WDPCP: variants seen among roughly 807,000 people sequenced by gnomAD.
WDPCP encodes the protein WD repeat-containing and planar cell polarity effector protein fritz homolog.
Under a neutral mutation model 93.1 loss-of-function variants are expected in WDPCP, and 71 were observed. The ratio of observed to expected loss-of-function variants is 0.76; its 90% CI spans 0.63 to 0.93. WDPCP has a LOEUF of 0.93. Ranked by LOEUF, WDPCP falls within the 40% of genes least tolerant of loss-of-function variation. The probability of loss-of-function intolerance (pLI) is 0.00; values close to 1 mark genes in which losing one functional copy is unlikely to be tolerated. For synonymous variants in WDPCP, 315 were observed against 315.0 expected (o/e 1.00, Z 0.00); for missense variants, 844 against 887.4 (o/e 0.95, Z 0.62).
At chr2:63,294,188 A>G (rs1684663542) in intron 13 of WDPCP, among the ~76,000 whole-genome samples, 1 of 152,216 alleles carries the variant, frequency 6.6e-6, no homozygotes, top group East Asian at 1.9e-4. Context: ...CTTTGGAGGT[A>G]AGAAAGCACT....
intron 3 of WDPCP, chr2:63,606,720 TATTA>T (rs1434443234): frequency 2.3e-6 from 1 of 438,056 alleles, no homozygotes; most frequent in East Asian, 4.1e-5. Flanking sequence ...TAGAATTATC[TATTA>T]ATTAAAATCT....
At chr2:63,284,066 G>A (rs550618574) in intron 13 of WDPCP, among the ~76,000 whole-genome samples, 4 of 152,112 alleles carry the variant, frequency 2.6e-5, no homozygotes, top group Non-Finnish European at 5.9e-5. Flanking sequence ...TAAATACATG[G>A]GTACATATAA....
the WDPCP span, among the ~76,000 whole-genome samples, chr2:63,834,301 T>A: frequency 6.6e-6 from 1 of 152,248 alleles, no homozygotes; most frequent in African/African-American, 2.4e-5. Flanking sequence ...GCTGTACAGA[T>A]CCATGCAAAG....
intron 1 of WDPCP, among the ~76,000 whole-genome samples, chr2:63,505,552 T>C (rs1429555956): frequency 6.6e-6 from 1 of 152,070 alleles, no homozygotes; most frequent in East Asian, 1.9e-4. Context: ...TACAGATTAA[T>C]AAAAAATGTT....
In WDPCP at chr2:63,426,707, A is replaced by G. The variant is rs1280227581; in HGVS notation, c.825+7038T>C. Among the ~76,000 whole-genome samples, 8 of 152,338 alleles carry G rather than the reference A, an allele frequency of 5.3e-5. No homozygotes were observed. The South Asian group carries it at 1.5e-3, about 28-fold the overall frequency. On this transcript the variant is annotated intron_variant, in intron 9 of 17. Coordinates refer to ENST00000272321, the MANE Select transcript of WDPCP (RefSeq NM_015910.7). ...CACAATGACAGCATCAAAATCTCAC[A>G]TATCAGTATTAACTTTGAATGTAAA...
intron 2 of WDPCP, among the ~76,000 whole-genome samples, chr2:63,680,613 G>T (rs907140706): frequency 6.6e-6 from 1 of 152,136 alleles, no homozygotes; most frequent in African/African-American, 2.4e-5. Flanking sequence ...AACATGAAAG[G>T]CTATCTAGGC....
intron 3 of WDPCP, chr2:63,607,009 T>C (rs752475056): frequency 6.2e-7 from 1 of 1,601,600 alleles, no homozygotes; most frequent in Non-Finnish European, 8.5e-7. Context: ...TGTTACTAAA[T>C]GCTTCAAAGC....
intron 2 of WDPCP, among the ~76,000 whole-genome samples, chr2:63,796,286 G>A (rs367946762): frequency 4.6e-5 from 7 of 152,296 alleles, no homozygotes; most frequent in East Asian, 3.9e-4. Flanking sequence ...AAGCAGTCTC[G>A]GAGCAGGAGG....
intron 13 of WDPCP, among the ~76,000 whole-genome samples, chr2:63,296,001 C>T (rs1684824544): frequency 1.3e-5 from 2 of 151,128 alleles, no homozygotes; most frequent in Non-Finnish European, 2.9e-5. Context: ...CCTAATAATA[C>T]AGGCCAGTAT....
chr2:63,546,788 T>C (rs1705182249), intron 1 of WDPCP, among the ~76,000 whole-genome samples: 1 of 152,056 alleles, frequency 6.6e-6, no homozygotes, highest in Non-Finnish European at 1.5e-5. Context: ...GTAAAGGTAT[T>C]AGAAAGCAGA....
chr2:63,153,860 A>G (rs1042672081), intron 15 of WDPCP, among the ~76,000 whole-genome samples: 1 of 152,050 alleles, frequency 6.6e-6, no homozygotes, highest in African/African-American at 2.4e-5. Flanking sequence ...TGTATTTTAC[A>G]TATGAAGTTT....
intron 11 of WDPCP, among the ~76,000 whole-genome samples, chr2:63,380,362 C>G (rs1016385619): frequency 2.0e-5 from 3 of 151,936 alleles, no homozygotes; most frequent in African/African-American, 7.3e-5. Context: ...TGGAGTTATA[C>G]TCTTCTTTTT....
At chr2:63,485,229 T>C (rs1399758873) in intron 4 of WDPCP, among the ~76,000 whole-genome samples, 1 of 151,828 alleles carries the variant, frequency 6.6e-6, no homozygotes, top group Non-Finnish European at 1.5e-5. Context: ...GGAGAATCCC[T>C]GGGAAAGTTT....
intron 2 of WDPCP, chr2:63,752,381 G>A (rs866430234): frequency 1.7e-5 from 13 of 765,474 alleles, no homozygotes; most frequent in African/African-American, 1.0e-4. Context: ...AGCCCTCTTT[G>A]GTTCCACAGC....
chr2:63,313,684 G>C (rs999971592), intron 12 of WDPCP, among the ~76,000 whole-genome samples: 4 of 151,862 alleles, frequency 2.6e-5, no homozygotes, highest in Non-Finnish European at 5.9e-5. Context: ...TGAATGAAGA[G>C]TGTCTTGTAC....
At chr2:63,268,856 G>A (rs1190025427) in intron 13 of WDPCP, among the ~76,000 whole-genome samples, 2 of 151,900 alleles carry the variant, frequency 1.3e-5, no homozygotes, top group Non-Finnish European at 2.9e-5. Context: ...TTAGCTCAAG[G>A]GAATCTTTCT....
At position 63,359,113 on chromosome 2, in the gene WDPCP, T is replaced by TC. The variant is rs570731944; in HGVS notation, c.1748+19272dup. ...TCCACTTTCCCTCATTCCCTTCCCT[T>TC]CTTTTTCCTTCTCCCTCCCTTGTAT... On this transcript the variant is annotated intron_variant, in intron 12 of 17. Transcript: ENST00000272321. Among the ~76,000 whole-genome samples the TC allele has an allele frequency of 8.2e-4, 125 of 152,190 alleles. 4 individuals carry two copies. In the East Asian group the frequency reaches 0.015, roughly 19 times the overall value.
intron 12 of WDPCP, among the ~76,000 whole-genome samples, chr2:63,336,894 A>ATT (rs1688413963): frequency 1.8e-5 from 1 of 56,944 alleles, no homozygotes; most frequent in South Asian, 7.3e-4. Context: ...CATGAGAGTC[A>ATT]CTTTTTTTTT....
At chr2:63,438,717 T>C (rs1182742951) in intron 7 of WDPCP, among the ~76,000 whole-genome samples, 1 of 152,064 alleles carries the variant, frequency 6.6e-6, no homozygotes, top group Non-Finnish European at 1.5e-5. Flanking sequence ...CAGAGTTCTT[T>C]TCTTCAAGAT....
Sources: gnomAD v4.1 joint callset for allele counts (sites outside exome capture counted in the v4.1 genomes callset) on GRCh38, gnomAD v4.1.1 for gene constraint, MANE v1.5 for transcripts, NCBI Gene and HGNC (gene_info 2026-07-23, HGNC 2026-07-21) for gene names.